CRYBA2: variants seen among roughly 807,000 people sequenced by gnomAD.
CRYBA2 encodes the protein crystallin beta A2.
In CRYBA2, 17 loss-of-function variants were observed where a neutral mutation model predicts 18.5. The observed-to-expected ratio is 0.92, with a 90% CI of 0.63 to 1.38. The LOEUF is 1.38. Ranked by LOEUF, CRYBA2 falls within the 40% of genes most tolerant of loss-of-function variation. CRYBA2 has a pLI of 0.00. For missense variants in CRYBA2, 271 were observed against 265.0 expected, an observed-to-expected ratio of 1.02 and a Z score of -0.16; for synonymous variants, 101 against 106.2, an observed-to-expected ratio of 0.95 and a Z score of 0.30.
rs955720731 is a variant in CRYBA2, at chr2:218,993,266, G to T, written c.-90C>A. On this transcript the variant is annotated 5_prime_UTR_variant, in exon 1 of 4. Coordinates refer to ENST00000295728, the MANE Select transcript of CRYBA2 (RefSeq NM_057093.2). The surrounding 1 kb of genome is among the most constrained non-coding windows in gnomAD (Gnocchi z 7.7). ...ACACAGCCTGCCCAACCTGGGTAGC[G>T]GATGAAGAACCCGGGGGCTGGACCC... is the stretch of plus-strand genomic sequence containing the variant. 10 of 1,350,438 alleles carry T rather than the reference G, an allele frequency of 7.4e-6. No homozygotes were observed. Among genetic ancestry groups the T allele is most frequent in the Non-Finnish European group, 9.0e-6 (9 of 999,238 alleles). The allele number at this position is 1,350,438 out of a possible 1,614,324, so 83.7% of individuals were successfully genotyped here.
rs1238557933 is a variant in CRYBA2, at chr2:218,990,359, A to G, written c.487T>C (p.Tyr163His). Reference protein sequence around the residue: ...YQYPGYRGYQYVLERDRHSGE... With the variant: ...YQYPGYRGYQHVLERDRHSGE... The stretch of plus-strand genomic sequence containing the variant: ...CTGTGCCGGTCCCGCTCCAACACAT[A>G]CTGGTAGCCTCGGTAGCCTGGGTAC... Residue 163 changes from tyrosine to histidine, a missense_variant, in exon 4 of 4, where the codon TAT (tyrosine) becomes CAT (histidine). Coordinates refer to ENST00000295728, the MANE Select transcript of CRYBA2 (RefSeq NM_057093.2). 1 of 1,614,060 alleles carries G rather than the reference A, an allele frequency of 6.2e-7. No homozygotes were observed. The highest frequency in any genetic ancestry group is 8.5e-7 in the Non-Finnish European group (1 of 1,179,994).
chr2:218,991,145 C>G (rs1945493461), intron 2 of CRYBA2, 151 bp from the exon 3 acceptor site: 1 of 1,176,464 alleles, frequency 8.5e-7, no homozygotes, highest in Admixed American at 2.6e-5. Flanking sequence ...CCCATCAGCT[C>G]CCTGGCAGTC....
Position 218,992,077 on chromosome 2 carries a change from G to A in CRYBA2, c.303+25C>T, listed in dbSNP as rs752670925. 1.5e-5 allele frequency: 24 copies of A among 1,599,668 alleles called. 1 individual carries two copies. In the South Asian group the frequency reaches 2.3e-4, roughly 15 times the overall value. On this transcript the variant is annotated intron_variant, in intron 2 of 3. Coordinates refer to ENST00000295728, the MANE Select transcript of CRYBA2 (RefSeq NM_057093.2). The stretch of plus-strand genomic sequence containing the variant: ...GCCAGGGCCTGGAGCTAGGAGGCAG[G>A]GGAGGAGAAGTGGGCTGTGCTCACC...
At chr2:218,991,920 A>G (rs1174104109) in intron 2 of CRYBA2, 182 bp downstream of exon 2, 9 of 611,584 alleles carry the variant, frequency 1.5e-5, no homozygotes, top group African/African-American at 1.9e-5. Flanking sequence ...CTCCGGGCCT[A>G]CGCCCACAAT....
chr2:218,992,689 T>G (rs1394167958), intron 1 of CRYBA2, among the ~76,000 whole-genome samples: 1 of 152,074 alleles, frequency 6.6e-6, no homozygotes, highest in Non-Finnish European at 1.5e-5. Flanking sequence ...TGGGTTTCTT[T>G]TGTTAAGCCA....
At chr2:218,990,462 C>T (rs893428663) in intron 3 of CRYBA2, 63 bp from the exon 4 acceptor site, 2 of 1,542,534 alleles carry the variant, frequency 1.3e-6, no homozygotes, top group Admixed American at 3.7e-5. Flanking sequence ...CCTATGTTCT[C>T]CACCAGCAGC....
Position 218,993,004 on chromosome 2 carries a change from G to C in CRYBA2, c.161+12C>G. 6.3e-7 allele frequency: 1 copy of C among 1,593,498 alleles called. No homozygotes were observed. Among genetic ancestry groups the C allele is most frequent in the South Asian group, 1.1e-5 (1 of 89,930 alleles). ...CTCAACCCAGCCCAGCCGCGGCCAG[G>C]CAATCACTCACACGCCGTTTTCCAC... On this transcript the variant is annotated intron_variant, in intron 1 of 3. Coordinates refer to ENST00000295728, the MANE Select transcript of CRYBA2 (RefSeq NM_057093.2). This position sits in a 1 kb window ranked among gnomAD's most constrained non-coding sequence, Gnocchi z 7.7.
intron 2 of CRYBA2, chr2:218,991,288 C>A (rs1945495268): frequency 6.8e-6 from 2 of 294,858 alleles, no homozygotes; most frequent in African/African-American, 2.2e-5. Flanking sequence ...TGACATGGGC[C>A]CATTTTGCAG....
At position 218,991,010 on chromosome 2, in the gene CRYBA2, A is replaced by G. The variant is rs61348556; in HGVS notation, c.304-16T>C. The G allele has an allele frequency of 6.6e-3, 10,641 of 1,612,884 alleles. 535 individuals are homozygous for G. The African/African-American group carries it at 0.12, about 18-fold the overall frequency. ...CATTGTGGTTCTGAGGCACAGCAAG[A>G]TCAGGACAGAAAGATCAGGGCTTCC... On this transcript the variant is annotated splice_polypyrimidine_tract_variant and intron_variant, in intron 2 of 3. Transcript: ENST00000295728.
rs373560575 is a variant in CRYBA2 at position 218,992,168 on chromosome 2, G to A, written c.237C>T (p.Ser79=). The A allele has an allele frequency of 9.3e-6, 15 of 1,613,300 alleles. No homozygotes were observed. Among genetic ancestry groups the A allele is most frequent in the Non-Finnish European group, 1.1e-5 (13 of 1,179,880 alleles). ...ILEKGDYPRW[S]AWSGSSSHNS... ...TGTGGCTGCTGCTGCCACTCCAGGC[G>A]CTCCAGCGAGGATAGTCTCCCTTCT... is the stretch of plus-strand genomic sequence containing the variant. The change falls in exon 2 of 4, where the codon AGC becomes AGT. Residue 79 remains serine, a synonymous_variant. Coordinates refer to ENST00000295728, the MANE Select transcript of CRYBA2 (RefSeq NM_057093.2).
chr2:218,991,935 A>G (rs1167378865), intron 2 of CRYBA2, 167 bp downstream of exon 2: 20 of 655,674 alleles, frequency 3.1e-5, no homozygotes, highest in Non-Finnish European at 4.0e-5. Context: ...CACAATCCCA[A>G]CTTTCTTGGA....
At chr2:218,990,472 C>A in intron 3 of CRYBA2, 73 bp from the exon 4 acceptor site, 1 of 1,545,564 alleles carries the variant, frequency 6.5e-7, no homozygotes, top group South Asian at 1.2e-5. Flanking sequence ...CCACCAGCAG[C>A]CCCCCTTTTG....
At position 218,993,187 on chromosome 2, in the gene CRYBA2, A is replaced by C. The variant is rs1177327137; in HGVS notation, c.-11T>G. 6.5e-7 allele frequency: 1 copy of C among 1,527,726 alleles called. No homozygotes were observed. The highest frequency in any genetic ancestry group is 8.8e-7 in the Non-Finnish European group (1 of 1,134,434). 94.6% of individuals were successfully genotyped at this position (1,527,726 alleles called of 1,614,324 possible). A position where few individuals can be genotyped will look rare whatever the true frequency, so the allele number is the denominator to read the frequency against. The stretch of plus-strand genomic sequence containing the variant: ...GGGGGCGCTGCTCATGCCGCTGCGG[A>C]CAGGAAGGGTGGCACCACGCGCTCA... On this transcript the variant is annotated 5_prime_UTR_variant, in exon 1 of 4. Transcript: ENST00000295728. The surrounding 1 kb of genome is among the most constrained non-coding windows in gnomAD (Gnocchi z 7.7).
chr2:218,991,669 C>T (rs1486762015), intron 2 of CRYBA2, among the ~76,000 whole-genome samples: 1 of 152,246 alleles, frequency 6.6e-6, no homozygotes, highest in African/African-American at 2.4e-5. Context: ...CTCACACACA[C>T]AATAACACAC....
In CRYBA2 at chr2:218,990,208, C is replaced by A. The variant is rs369876527; in HGVS notation, c.*44G>T. Reference sequence around the variant, plus strand: ...CAAGAGGGGCAGGAAGATTCAGGAACCTTTATTGAGTGTCCTCAGGGAAGG... The same window carrying A: ...CAAGAGGGGCAGGAAGATTCAGGAAACTTTATTGAGTGTCCTCAGGGAAGG... On this transcript the variant is annotated 3_prime_UTR_variant, in exon 4 of 4. Coordinates refer to ENST00000295728, the MANE Select transcript of CRYBA2 (RefSeq NM_057093.2). 5.6e-6 allele frequency: 9 copies of A among 1,611,014 alleles called. No homozygotes were observed. Among genetic ancestry groups the A allele is most frequent in the Non-Finnish European group, 7.6e-6 (9 of 1,177,674 alleles).
Position 218,992,969 on chromosome 2 carries a change from C to T in CRYBA2, c.161+47G>A, listed in dbSNP as rs369208168. On this transcript the variant is annotated intron_variant, in intron 1 of 3. Coordinates refer to ENST00000295728, the MANE Select transcript of CRYBA2 (RefSeq NM_057093.2). ...AGGCTCTGAGCCTAGGCCGGTGGAACCCAGCGCCCCTCAACCCAGCCCAGC... is the reference window on the plus strand; with the variant it reads ...AGGCTCTGAGCCTAGGCCGGTGGAATCCAGCGCCCCTCAACCCAGCCCAGC... 17 of 1,518,556 alleles carry T rather than the reference C, an allele frequency of 1.1e-5. No homozygotes were observed. In the African/African-American group the frequency reaches 2.3e-4, roughly 21 times the overall value. 94.1% of individuals were successfully genotyped at this position (1,518,556 alleles called of 1,614,324 possible).
At chr2:218,992,311 C>T in intron 1 of CRYBA2, 68 bp from the exon 2 acceptor site, 1 of 1,532,866 alleles carries the variant, frequency 6.5e-7, no homozygotes, top group South Asian at 1.2e-5. Context: ...CCCTTGCCGG[C>T]CATGATTGAA....
In CRYBA2 at chr2:218,990,256, T is replaced by C. The variant is rs1315153015; in HGVS notation, c.590A>G (p.His197Arg). The change falls in exon 4 of 4, where the codon CAC (histidine) becomes CGC (arginine). Residue 197 changes from histidine to arginine, a missense_variant. Transcript: ENST00000295728. ...AGGTGTCTGGGGCCGTGGAGCCTAG[T>C]GCTGGACTCTCCGGATGGACTGCAG... The part of the protein sequence containing the change: ...GQLQSIRRVQ[H>R] The C allele has an allele frequency of 1.9e-6, 3 of 1,614,016 alleles. No individual in the cohort carries two copies. The highest frequency in any genetic ancestry group is 1.3e-5 in the African/African-American group (1 of 74,918).
Position 218,990,407 on chromosome 2 carries a change from A to G in CRYBA2, c.447-8T>C. On this transcript the variant is annotated splice_region_variant and splice_polypyrimidine_tract_variant and intron_variant, in intron 3 of 3. Transcript: ENST00000295728. Reference sequence around the variant, plus strand: ...TACTGGTAGGCCACCCACCTAGGCCAGTGAGGGTACAGAGGCAGGGAGTAA... The same window carrying G: ...TACTGGTAGGCCACCCACCTAGGCCGGTGAGGGTACAGAGGCAGGGAGTAA... 1.9e-6 allele frequency: 3 copies of G among 1,613,910 alleles called. No homozygotes were observed. The highest frequency in any genetic ancestry group is 3.3e-4 in the Middle Eastern group (2 of 6,002).
Sources: gnomAD v4.1 joint callset for allele counts (sites outside exome capture counted in the v4.1 genomes callset) on GRCh38, gnomAD v4.1.1 for gene constraint, Gnocchi (gnomAD v3.1) non-coding constraint, MANE v1.5 for transcripts, NCBI Gene and HGNC (gene_info 2026-07-23, HGNC 2026-07-21) for gene names.